RABGAP1L: variants seen among roughly 807,000 people sequenced by gnomAD.
RABGAP1L encodes the protein rab GTPase-activating protein 1-like.
RABGAP1L carries 63 observed loss-of-function variants against 137.7 expected under a neutral mutation model. The ratio of observed to expected loss-of-function variants is 0.46; its 90% CI spans 0.37 to 0.56. RABGAP1L has a LOEUF of 0.56. RABGAP1L is among the 20% of genes least tolerant of loss of function. The pLI is 0.00. For missense variants in RABGAP1L, 1,095 were observed against 1,244.0 expected, an observed-to-expected ratio of 0.88 and a Z score of 1.80; for synonymous variants, 431 against 433.7, an observed-to-expected ratio of 0.99 and a Z score of 0.08.
chr1:174,177,751 T>A (rs1666009184), intron 1 of RABGAP1L, among the ~76,000 whole-genome samples: 1 of 152,250 alleles, frequency 6.6e-6, no homozygotes, highest in Non-Finnish European at 1.5e-5. Flanking sequence ...CTTTCCCCAT[T>A]GCTTGTTTTT....
chr1:174,681,276 C>T (rs930708232), intron 14 of RABGAP1L, among the ~76,000 whole-genome samples: 1 of 152,150 alleles, frequency 6.6e-6, no homozygotes, highest in African/African-American at 2.4e-5. Context: ...ATTTACAGCT[C>T]TATTCATACT....
chr1:174,567,761 T>C (rs1188896432), intron 13 of RABGAP1L, among the ~76,000 whole-genome samples: 1 of 152,090 alleles, frequency 6.6e-6, no homozygotes, highest in Non-Finnish European at 1.5e-5. Flanking sequence ...CTCTGCAGGA[T>C]TTGATTAGAA....
At chr1:174,538,159 C>G (rs193005130) in intron 13 of RABGAP1L, among the ~76,000 whole-genome samples, 1 of 152,178 alleles carries the variant, frequency 6.6e-6, no homozygotes, top group African/African-American at 2.4e-5. Flanking sequence ...AAAACCATTT[C>G]TTTGCTTATG....
chr1:174,857,512 C>T (rs1373656018), intron 19 of RABGAP1L, among the ~76,000 whole-genome samples: 4 of 152,192 alleles, frequency 2.6e-5, no homozygotes, highest in Non-Finnish European at 4.4e-5. Flanking sequence ...GTCATTGTAT[C>T]TTATATTTAT....
chr1:174,220,895 G>T, intron 2 of RABGAP1L, 77 bp from the exon 3 acceptor site: 1 of 1,237,038 alleles, frequency 8.1e-7, no homozygotes, highest in South Asian at 2.1e-5. Context: ...ATTTCTTCTA[G>T]AAATGAAATA....
In RABGAP1L at chr1:174,992,707, T is replaced by C. The variant is rs371647662; in HGVS notation, c.*2706T>C. The C allele has an allele frequency of 6.6e-6, 1 of 151,828 alleles. No individual in the cohort carries two copies. Among genetic ancestry groups the C allele is most frequent in the Non-Finnish European group, 1.5e-5 (1 of 68,008 alleles). The allele number at this position is 151,828 out of a possible 1,614,324, so 9.4% of individuals were successfully genotyped here. On this transcript the variant is annotated 3_prime_UTR_variant, in exon 26 of 26. Transcript: ENST00000681986. ...GTGATATGATTGTTCATACAATATG[T>C]TATAATAGCAATATTCCAAACAATA...
intron 13 of RABGAP1L, among the ~76,000 whole-genome samples, chr1:174,450,707 G>A (rs1655336711): frequency 6.6e-6 from 1 of 152,130 alleles, no homozygotes; most frequent in Non-Finnish European, 1.5e-5. Flanking sequence ...TGGGGAATTA[G>A]CGAAGCAAGT....
At position 174,962,204 on chromosome 1, in the gene RABGAP1L, C is replaced by G. The variant is rs182410115; in HGVS notation, c.2433+4655C>G. ...AATAAAAATAAAAATACACCCCCCC[C>G]CCACACACACACACAGCTAGTTAAT... On this transcript the variant is annotated intron_variant, in intron 20 of 25. Coordinates refer to ENST00000681986, the MANE Select transcript of RABGAP1L (RefSeq NM_001366446.1). Among the ~76,000 whole-genome samples the G allele has an allele frequency of 2.0e-4, 25 of 125,654 alleles. 2 individuals are homozygous for G. The highest frequency in any genetic ancestry group is 3.3e-4 in the African/African-American group (11 of 33,538). The allele number at this position is 125,654 out of a possible 152,430, so 82.4% of individuals were successfully genotyped here. A position where few individuals can be genotyped will look rare whatever the true frequency, so the allele number is the denominator to read the frequency against.
chr1:174,765,618 G>A (rs1685605082), intron 18 of RABGAP1L, among the ~76,000 whole-genome samples: 2 of 150,950 alleles, frequency 1.3e-5, no homozygotes, highest in Admixed American at 6.6e-5. Flanking sequence ...TTTTTTTAGA[G>A]ACAGGGTCTT....
intron 15 of RABGAP1L, 91 bp downstream of exon 15, chr1:174,683,687 A>G (rs1477063242): frequency 1.0e-6 from 1 of 991,422 alleles, no homozygotes; most frequent in African/African-American, 1.6e-5. Flanking sequence ...TTTCCCATTT[A>G]TCTGATGGAG....
intron 20 of RABGAP1L, chr1:174,964,645 G>A: frequency 2.9e-6 from 1 of 344,136 alleles, no homozygotes; most frequent in East Asian, 8.3e-5. Context: ...TCACACCGTA[G>A]TTCCTTAATA....
intron 18 of RABGAP1L, chr1:174,800,322 A>G: frequency 6.5e-7 from 1 of 1,549,258 alleles, no homozygotes; most frequent in Non-Finnish European, 8.7e-7. Context: ...CTGGATACCT[A>G]CTTAGTGCTC....
chr1:174,556,431 G>A (rs1455704830), intron 13 of RABGAP1L, among the ~76,000 whole-genome samples: 3 of 152,208 alleles, frequency 2.0e-5, no homozygotes, highest in African/African-American at 7.2e-5. Context: ...TATCCAGGAT[G>A]GATGAAATAA....
At chr1:174,344,035 G>A (rs923152502) in intron 11 of RABGAP1L, among the ~76,000 whole-genome samples, 1 of 152,112 alleles carries the variant, frequency 6.6e-6, no homozygotes, top group African/African-American at 2.4e-5. Flanking sequence ...TGGTGTGGTG[G>A]CAATAAATCA....
intron 18 of RABGAP1L, among the ~76,000 whole-genome samples, chr1:174,806,371 A>T (rs1306098875): frequency 6.6e-6 from 1 of 152,230 alleles, no homozygotes; most frequent in Non-Finnish European, 1.5e-5. Context: ...AGACTGAGGC[A>T]GGAGAATGGC....
At chr1:174,762,672 A>G (rs1413730140) in intron 18 of RABGAP1L, among the ~76,000 whole-genome samples, 1 of 152,174 alleles carries the variant, frequency 6.6e-6, no homozygotes, top group Non-Finnish European at 1.5e-5. Context: ...CATAGTAGGC[A>G]CTTAAATATT....
chr1:174,894,588 A>G (rs1196125952), intron 19 of RABGAP1L, among the ~76,000 whole-genome samples: 3 of 152,106 alleles, frequency 2.0e-5, no homozygotes, highest in Non-Finnish European at 4.4e-5. Context: ...TTTCAATTTC[A>G]TTTTTCTCTT....
At chr1:174,469,557 G>A (rs1452845539) in intron 13 of RABGAP1L, among the ~76,000 whole-genome samples, 1 of 152,158 alleles carries the variant, frequency 6.6e-6, no homozygotes, top group East Asian at 1.9e-4. Flanking sequence ...GCAATCAGAA[G>A]TTTGAGAATC....
intron 10 of RABGAP1L, among the ~76,000 whole-genome samples, chr1:174,294,230 A>G (rs1438378074): frequency 1.3e-5 from 2 of 152,214 alleles, no homozygotes; most frequent in Admixed American, 6.5e-5. Flanking sequence ...TTTGTCTTCT[A>G]TCTAGTCTGT....
Sources: gnomAD v4.1 joint callset for allele counts (sites outside exome capture counted in the v4.1 genomes callset) on GRCh38, gnomAD v4.1.1 for gene constraint, MANE v1.5 for transcripts, NCBI Gene and HGNC (gene_info 2026-07-23, HGNC 2026-07-21) for gene names.